The following EPHA5 variants were observed in gnomAD, a reference collection of about 807,000 sequenced individuals.
The protein encoded by EPHA5 is ephrin type-A receptor 5.
Under a neutral mutation model 105.0 loss-of-function variants are expected in EPHA5, and 60 were observed. That is an observed-to-expected ratio of 0.57 (90% confidence interval 0.46 to 0.71). EPHA5 has a LOEUF of 0.71. EPHA5 is among the 30% of genes least tolerant of loss of function. The probability of loss-of-function intolerance (pLI) is 0.00; values close to 1 mark genes in which losing one functional copy is unlikely to be tolerated. For synonymous variants in EPHA5, 513 were observed against 449.1 expected (o/e 1.14, Z -1.80); for missense variants, 1,218 against 1,274.7 (o/e 0.96, Z 0.68).
intron 3 of EPHA5, among the ~76,000 whole-genome samples, chr4:65,502,126 T>C (rs1732551570): frequency 6.6e-6 from 1 of 151,764 alleles, no homozygotes; most frequent in South Asian, 2.1e-4. Context: ...GACTTAAATT[T>C]CATGTCTCAA....
intron 3 of EPHA5, among the ~76,000 whole-genome samples, chr4:65,562,631 G>A (rs563527289): frequency 1.4e-4 from 21 of 152,086 alleles, no homozygotes; most frequent in African/African-American, 3.1e-4. Flanking sequence ...CAGAGAAGAC[G>A]CATACCAAGA....
At chr4:65,394,475 T>G (rs1721022161) in intron 8 of EPHA5, among the ~76,000 whole-genome samples, 1 of 152,192 alleles carries the variant, frequency 6.6e-6, no homozygotes, top group African/African-American at 2.4e-5. Context: ...TAAAAATCTC[T>G]ATTATTTTGT....
intron 3 of EPHA5, among the ~76,000 whole-genome samples, chr4:65,575,806 GTC>G (rs562652904): frequency 9.2e-4 from 139 of 151,542 alleles, no homozygotes; most frequent in African/African-American, 3.2e-3. Context: ...GTGAAATCCT[GTC>G]TCTACTAAAA....
intron 1 of EPHA5, among the ~76,000 whole-genome samples, chr4:65,664,429 T>C (rs537107240): frequency 1.8e-4 from 28 of 152,050 alleles, no homozygotes; most frequent in African/African-American, 5.8e-4. Flanking sequence ...TCTTAAAAAA[T>C]GAACCCATTT....
intron 8 of EPHA5, 95 bp downstream of exon 8, chr4:65,404,279 G>T: frequency 1.1e-6 from 1 of 890,862 alleles, no homozygotes; most frequent in Non-Finnish European, 1.8e-6. Flanking sequence ...TTGCTTGCCT[G>T]ATTTGTTTTG....
chr4:65,623,470 T>A (rs1447433917), intron 2 of EPHA5, among the ~76,000 whole-genome samples: 1 of 152,106 alleles, frequency 6.6e-6, no homozygotes, highest in African/African-American at 2.4e-5. Context: ...ATATTATACC[T>A]AATACACTAT....
chr4:65,398,589 C>T (rs1229917028), intron 8 of EPHA5, among the ~76,000 whole-genome samples: 1 of 152,150 alleles, frequency 6.6e-6, no homozygotes, highest in Non-Finnish European at 1.5e-5. Context: ...CTCTCGCCTG[C>T]CTATGGCTGC....
intron 3 of EPHA5, among the ~76,000 whole-genome samples, chr4:65,568,512 A>T (rs1025666548): frequency 5.9e-5 from 9 of 151,266 alleles, no homozygotes; most frequent in Non-Finnish European, 4.4e-5. Flanking sequence ...AATATTAAAA[A>T]TTTTTATTAA....
intron 5 of EPHA5, among the ~76,000 whole-genome samples, chr4:65,452,958 A>G (rs1727209189): frequency 6.6e-6 from 1 of 152,166 alleles, no homozygotes; most frequent in African/African-American, 2.4e-5. Context: ...TATGTTTTCC[A>G]TTTTCACTGA....
chr4:65,474,673 A>T (rs111937823), intron 5 of EPHA5, among the ~76,000 whole-genome samples: 1 of 152,204 alleles, frequency 6.6e-6, no homozygotes, highest in Admixed American at 6.5e-5. Context: ...TAAAGAAGAT[A>T]TTGGTGTTTT....
intron 5 of EPHA5, among the ~76,000 whole-genome samples, chr4:65,427,392 C>T (rs1313573160): frequency 1.3e-5 from 2 of 151,966 alleles, no homozygotes; most frequent in African/African-American, 4.8e-5. Flanking sequence ...TCATCTTGGC[C>T]AGGCTGGTCT....
intron 8 of EPHA5, among the ~76,000 whole-genome samples, 155 bp downstream of exon 8, chr4:65,404,219 A>T (rs1292363430): frequency 1.3e-5 from 2 of 152,224 alleles, no homozygotes; most frequent in Non-Finnish European, 2.9e-5. Context: ...TAATATGAAC[A>T]AGATAAGGCT....
chr4:65,387,809 T>A (rs78017427), intron 8 of EPHA5, among the ~76,000 whole-genome samples: 6,750 of 151,908 alleles, frequency 0.044, 198 homozygotes, highest in African/African-American at 0.073. Context: ...ATTTTTTTTG[T>A]ATGTCTCATT....
At chr4:65,666,962 G>A (rs1282223117) in intron 1 of EPHA5, among the ~76,000 whole-genome samples, 1 of 151,804 alleles carries the variant, frequency 6.6e-6, no homozygotes, top group East Asian at 1.9e-4. Flanking sequence ...TCACATAATG[G>A]GAGCATTCAT....
rs1319502118 is a variant in EPHA5 at position 65,602,114 on chromosome 4, G to T, written c.437C>A (p.Thr146Asn). ...DCNSLPGGLG[T>N]CKETFNMYYF... ...ATACATATTAAAGGTTTCCTTACAG[G>T]TCCCCAGTCCTCCAGGAAGGCTGTT... The change falls in exon 3 of 17, where the codon ACC (threonine) becomes AAC (asparagine). Residue 146 changes from threonine to asparagine, a missense_variant. Around this residue, in one of 3 missense-constraint regions of EPHA5, gnomAD observed 233 missense variants for 227.5 expected, o/e 1.02. Transcript: ENST00000613740. 1 of 1,613,976 alleles carries T rather than the reference G, an allele frequency of 6.2e-7. No individual in the cohort carries two copies. Among genetic ancestry groups the T allele is most frequent in the East Asian group, 2.2e-5 (1 of 44,844 alleles).
At chr4:65,479,176 A>G (rs557311377) in intron 5 of EPHA5, among the ~76,000 whole-genome samples, 1 of 152,314 alleles carries the variant, frequency 6.6e-6, no homozygotes, top group Admixed American at 6.5e-5. Context: ...CAAGCATTAA[A>G]CTAATTGTTT....
intron 1 of EPHA5, among the ~76,000 whole-genome samples, chr4:65,649,827 C>A (rs1748439906): frequency 6.6e-6 from 1 of 152,168 alleles, no homozygotes. Context: ...CAAACAATCT[C>A]ACTTTTCATC....
chr4:65,550,767 G>T (rs957290474), intron 3 of EPHA5, among the ~76,000 whole-genome samples: 1 of 151,920 alleles, frequency 6.6e-6, no homozygotes, highest in African/African-American at 2.4e-5. Context: ...ACCCAGGAGG[G>T]TGAGATTGCA....
At chr4:65,647,350 A>G (rs1748209078) in intron 1 of EPHA5, among the ~76,000 whole-genome samples, 1 of 150,700 alleles carries the variant, frequency 6.6e-6, no homozygotes, top group Non-Finnish European at 1.5e-5. Flanking sequence ...AAAAAAAAAA[A>G]AAGAAGTTTA....
Sources: gnomAD v4.1 joint callset for allele counts (sites outside exome capture counted in the v4.1 genomes callset) on GRCh38, gnomAD v4.1.1 for gene constraint, gnomAD v4.1.1 regional missense constraint, MANE v1.5 for transcripts, NCBI Gene and HGNC (gene_info 2026-07-23, HGNC 2026-07-21) for gene names.